The following RNFT2 variants were observed in gnomAD, a reference collection of about 807,000 sequenced individuals.
RNFT2 encodes ring finger protein, transmembrane 2, also known as E3 ubiquitin-protein ligase RNFT2.
A neutral mutation model predicts 53.0 loss-of-function variants in RNFT2; 36 were observed. The ratio of observed to expected loss-of-function variants is 0.68; its 90% CI spans 0.52 to 0.90. The LOEUF is 0.90. Ranked by LOEUF, RNFT2 falls within the 40% of genes least tolerant of loss-of-function variation. The probability of loss-of-function intolerance (pLI) is 0.00; values close to 1 mark genes in which losing one functional copy is unlikely to be tolerated. For synonymous variants in RNFT2, 260 were observed against 253.2 expected, an observed-to-expected ratio of 1.03 and a Z score of -0.26; for missense variants, 514 against 585.6, an observed-to-expected ratio of 0.88 and a Z score of 1.26.
At chr12:116,785,939 C>G (rs1205703642) in intron 7 of RNFT2, among the ~76,000 whole-genome samples, 1 of 151,988 alleles carries the variant, frequency 6.6e-6, no homozygotes, top group Non-Finnish European at 1.5e-5. Flanking sequence ...GTAGTCCCAG[C>G]TACTCAGGAG....
intron 7 of RNFT2, among the ~76,000 whole-genome samples, chr12:116,784,094 A>C (rs1201998811): frequency 6.6e-6 from 1 of 152,234 alleles, no homozygotes; most frequent in Non-Finnish European, 1.5e-5. Flanking sequence ...TCAGACCACC[A>C]GGCAGTCAGG....
chr12:116,738,830 G>A (rs566924602), intron 1 of RNFT2: 4 of 152,304 alleles, frequency 2.6e-5, no homozygotes, highest in Admixed American at 2.6e-4. Context: ...ATGTGTGGAT[G>A]AGAACTTTGG....
intron 7 of RNFT2, among the ~76,000 whole-genome samples, chr12:116,819,854 C>T (rs1875916891): frequency 6.6e-6 from 1 of 152,082 alleles, no homozygotes; most frequent in Non-Finnish European, 1.5e-5. Context: ...CAAAGCTGTC[C>T]GACAGAAATA....
chr12:116,852,381 C>CCCTTCG lies in RNFT2; in HGVS notation c.*2937_*2938insCGCCTT. 2 of 1,335,642 alleles carry CCCTTCG rather than the reference C, an allele frequency of 1.5e-6. No homozygotes were observed. Among genetic ancestry groups the CCCTTCG allele is most frequent in the Non-Finnish European group, 1.9e-6 (2 of 1,042,012 alleles). 82.7% of individuals were successfully genotyped at this position (1,335,642 alleles called of 1,614,324 possible). ...TGTGTGCCACCAAACCAGGACTTTC[C>CCCTTCG]CCTTGGCTTGGCATCCCTGGCTCTC... On this transcript the variant is annotated 3_prime_UTR_variant, in exon 11 of 11. Coordinates refer to ENST00000257575, the MANE Select transcript of RNFT2 (RefSeq NM_001382266.1).
At chr12:116,738,960 G>T (rs1399146725) in intron 1 of RNFT2, among the ~76,000 whole-genome samples, 3 of 152,144 alleles carry the variant, frequency 2.0e-5, no homozygotes, top group East Asian at 3.9e-4. Context: ...ACCTTTTCTT[G>T]ATATATGAAG....
chr12:116,791,637 T>G (rs1256413715), intron 7 of RNFT2, among the ~76,000 whole-genome samples: 1 of 152,240 alleles, frequency 6.6e-6, no homozygotes, highest in Admixed American at 6.5e-5. Flanking sequence ...CTAAATAATA[T>G]TCCATTGTGT....
intron 7 of RNFT2, among the ~76,000 whole-genome samples, chr12:116,819,613 G>C (rs866922635): frequency 2.0e-5 from 3 of 152,296 alleles, no homozygotes; most frequent in Middle Eastern, 6.8e-3. Context: ...CTGCCGCCGG[G>C]TGGTGACGTC....
intron 7 of RNFT2, among the ~76,000 whole-genome samples, chr12:116,803,433 TG>T (rs1246391713): frequency 6.6e-6 from 1 of 152,146 alleles, no homozygotes; most frequent in Non-Finnish European, 1.5e-5. Context: ...CACCTACCAT[TG>T]AGATTGAACC....
chr12:116,825,396 C>T (rs1876273504), intron 7 of RNFT2, among the ~76,000 whole-genome samples: 1 of 152,240 alleles, frequency 6.6e-6, no homozygotes, highest in African/African-American at 2.4e-5. Context: ...TGCATTTTCT[C>T]ATCTCTAAAA....
At chr12:116,833,596 G>T (rs994753696) in intron 7 of RNFT2, among the ~76,000 whole-genome samples, 196 bp from the exon 8 acceptor site, 1 of 152,186 alleles carries the variant, frequency 6.6e-6, no homozygotes, top group Non-Finnish European at 1.5e-5. Flanking sequence ...GGTGGCGGGT[G>T]AGGGCAGTGG....
intron 6 of RNFT2, among the ~76,000 whole-genome samples, chr12:116,770,472 G>A (rs569629972): frequency 6.6e-6 from 1 of 152,198 alleles, no homozygotes; most frequent in Admixed American, 6.5e-5. Flanking sequence ...GTCATTAAGC[G>A]ATGTATGACT....
At chr12:116,818,341 C>A (rs1487040292) in intron 7 of RNFT2, among the ~76,000 whole-genome samples, 1 of 150,290 alleles carries the variant, frequency 6.7e-6, no homozygotes, top group African/African-American at 2.5e-5. Context: ...AAAAAATCCG[C>A]TTTTTCGTCT....
rs1566065829 is a variant in RNFT2 at position 116,740,360 on chromosome 12, C to T, written c.-138C>T. 1 of 781,392 alleles carries T rather than the reference C, an allele frequency of 1.3e-6. No homozygotes were observed. The highest frequency in any genetic ancestry group is 2.1e-6 in the Non-Finnish European group (1 of 467,298). The allele number at this position is 781,392 out of a possible 1,614,324, so 48.4% of individuals were successfully genotyped here. On this transcript the variant is annotated 5_prime_UTR_variant, in exon 2 of 11. Coordinates refer to ENST00000257575, the MANE Select transcript of RNFT2 (RefSeq NM_001382266.1). ...TTCCATCCAGGTTTGGAGTCTCTGG[C>T]AAGCTCCCCTGACTGTGCATCCCTC... is the stretch of plus-strand genomic sequence containing the variant.
chr12:116,811,591 A>G (rs1273108153), intron 7 of RNFT2, among the ~76,000 whole-genome samples: 2 of 152,090 alleles, frequency 1.3e-5, no homozygotes, highest in Non-Finnish European at 2.9e-5. Context: ...GGCCAGGCTG[A>G]TCTTAAACTC....
intron 7 of RNFT2, among the ~76,000 whole-genome samples, chr12:116,815,106 G>A (rs764000557): frequency 2.0e-5 from 3 of 152,026 alleles, no homozygotes; most frequent in Non-Finnish European, 2.9e-5. Context: ...TGATGTAGCC[G>A]GTCCTAGTAG....
chr12:116,837,989 GTATA>G (rs767799763), intron 10 of RNFT2, among the ~76,000 whole-genome samples: 1 of 151,764 alleles, frequency 6.6e-6, no homozygotes, highest in Non-Finnish European at 1.5e-5. Context: ...GTATATGTGT[GTATA>G]TATTTATACA....
Position 116,753,998 on chromosome 12 carries a change from A to G in RNFT2, c.565A>G (p.Ile189Val), listed in dbSNP as rs765528685. The change falls in exon 5 of 11, where the codon ATC (isoleucine) becomes GTC (valine). Residue 189 changes from isoleucine (I) to valine (V), a missense_variant. Ile to Val is a conservative substitution (Grantham distance 29). Around this residue, in one of 3 missense-constraint regions of RNFT2, gnomAD observed 273 missense variants for 334.4 expected, o/e 0.82. Transcript: ENST00000257575. The part of the protein sequence containing the change: ...FQHKLGIAVC[I>V]GMASTFAYAN... ...CTGTCCCACAGGCATTGCTGTGTGC[A>G]TCGGGATGGCCAGCACCTTCGCCTA... 4 of 1,613,802 alleles carry G rather than the reference A, an allele frequency of 2.5e-6. No homozygotes were observed. Among genetic ancestry groups the G allele is most frequent in the African/African-American group, 2.7e-5 (2 of 74,920 alleles).
At chr12:116,780,429 A>G (rs957204201) in intron 7 of RNFT2, among the ~76,000 whole-genome samples, 8 of 152,062 alleles carry the variant, frequency 5.3e-5, no homozygotes, top group Non-Finnish European at 8.8e-5. Flanking sequence ...CTCCTAGGAG[A>G]ATCTACTGCC....
rs376548421 is a variant in RNFT2, at chr12:116,741,021, T to C, written c.25-15T>C. On this transcript the variant is annotated splice_polypyrimidine_tract_variant and intron_variant, in intron 2 of 10. Transcript: ENST00000257575. The stretch of plus-strand genomic sequence containing the variant: ...GTGTTGGGAGACTCTGGCTCACCCA[T>C]GTGTTGGGTTTTAGGTGTTAAGGAA... 7 of 1,605,514 alleles carry C rather than the reference T, an allele frequency of 4.4e-6. No individual in the cohort carries two copies. In the African/African-American group the frequency reaches 5.3e-5, roughly 12 times the overall value.
Sources: gnomAD v4.1 joint callset for allele counts (sites outside exome capture counted in the v4.1 genomes callset) on GRCh38, gnomAD v4.1.1 for gene constraint, gnomAD v4.1.1 regional missense constraint, MANE v1.5 for transcripts, NCBI Gene and HGNC (gene_info 2026-07-23, HGNC 2026-07-21) for gene names.